The following PTTG1IP variants were observed in gnomAD, a reference collection of about 807,000 sequenced individuals.
PTTG1IP encodes PTTG1 interacting protein.
In PTTG1IP, 16 loss-of-function variants were observed where a neutral mutation model predicts 24.4. The ratio of observed to expected loss-of-function variants is 0.66; its 90% CI spans 0.44 to 1.00. The LOEUF (loss-of-function observed/expected upper bound fraction) is 1.00, where lower values mean the gene tolerates loss of function less well. Ranked by LOEUF, PTTG1IP falls within the 50% of genes least tolerant of loss-of-function variation. PTTG1IP has a pLI of 0.00. For synonymous variants in PTTG1IP, 89 were observed against 96.8 expected (o/e 0.92, Z 0.47); for missense variants, 241 against 245.8 (o/e 0.98, Z 0.13).
intron 2 of PTTG1IP, among the ~76,000 whole-genome samples, chr21:44,863,660 AT>A (rs2083511982): frequency 6.6e-6 from 1 of 152,262 alleles, no homozygotes; most frequent in Admixed American, 6.5e-5. Context: ...ATAGTGAGCT[AT>A]GTTTAAAGCT....
intron 5 of PTTG1IP, among the ~76,000 whole-genome samples, chr21:44,852,382 A>G (rs2083417969): frequency 6.6e-6 from 1 of 152,122 alleles, no homozygotes; most frequent in South Asian, 2.1e-4. Context: ...GGGTTTCACC[A>G]TGTTGGTCAG....
At chr21:44,861,651 C>T in intron 2 of PTTG1IP, 1 of 707,570 alleles carries the variant, frequency 1.4e-6, no homozygotes, top group South Asian at 1.5e-5. Context: ...ATCTGTGTGG[C>T]TCCCCACTGA....
At chr21:44,869,000 G>A (rs2083563971) in intron 1 of PTTG1IP, among the ~76,000 whole-genome samples, 1 of 152,236 alleles carries the variant, frequency 6.6e-6, no homozygotes, top group African/African-American at 2.4e-5. Flanking sequence ...GTGACAGCAT[G>A]TGCCTCCCAC....
At chr21:44,859,311 G>A (rs2083472815) in intron 3 of PTTG1IP, among the ~76,000 whole-genome samples, 1 of 152,236 alleles carries the variant, frequency 6.6e-6, no homozygotes, top group Admixed American at 6.5e-5. Context: ...CCTTCTGAAA[G>A]TCCTGGAAGT....
At chr21:44,857,408 G>A (rs762576021) in intron 3 of PTTG1IP, among the ~76,000 whole-genome samples, 7 of 152,208 alleles carry the variant, frequency 4.6e-5, no homozygotes, top group Non-Finnish European at 2.9e-5. Context: ...GATCGCTTGA[G>A]CTTGGGAGGT....
chr21:44,853,125 G>C (rs17004710), intron 5 of PTTG1IP, among the ~76,000 whole-genome samples: 14,977 of 152,242 alleles, frequency 0.098, 1,193 homozygotes, highest in East Asian at 0.36. Flanking sequence ...CTTAAACACA[G>C]CTTGTGCTTG....
Position 44,856,286 on chromosome 21 carries a change from C to T in PTTG1IP, c.356G>A (p.Cys119Tyr). 1.9e-6 allele frequency: 3 copies of T among 1,614,212 alleles called. No individual in the cohort carries two copies. Among genetic ancestry groups the T allele is most frequent in the Non-Finnish European group, 2.5e-6 (3 of 1,180,024 alleles). Residue 119 changes from cysteine (C) to tyrosine (Y), a missense_variant, in exon 4 of 6, where the codon TGC (cysteine) becomes TAC (tyrosine). Transcript: ENST00000330938. ...LLLGIAICCC[C>Y]CCRRKRSRKP... ...CCGGCTCCTCTTCCTCCTGCAGCAG[C>T]AGCAGCAGCAGATGGCAATGCCCAG...
chr21:44,870,177 A>C (rs2083572892), intron 1 of PTTG1IP, among the ~76,000 whole-genome samples: 1 of 152,228 alleles, frequency 6.6e-6, no homozygotes, highest in South Asian at 2.1e-4. Context: ...TACAGTCCTC[A>C]TGAAAATAAC....
chr21:44,858,610 C>A (rs114078007), intron 3 of PTTG1IP, among the ~76,000 whole-genome samples: 17 of 152,226 alleles, frequency 1.1e-4, no homozygotes, highest in Admixed American at 5.2e-4. Context: ...CGGGACCCTG[C>A]GTGGCGTGTG....
chr21:44,852,648 C>A (rs1485702390), intron 5 of PTTG1IP, among the ~76,000 whole-genome samples: 1 of 152,114 alleles, frequency 6.6e-6, no homozygotes, highest in Non-Finnish European at 1.5e-5. Context: ...TCAAGGAGGG[C>A]CACAGGCATC....
rs539152239 is a variant in PTTG1IP, at chr21:44,866,374, A to C, written c.116-927T>G. On this transcript the variant is annotated intron_variant, in intron 1 of 5. Coordinates refer to ENST00000330938, the MANE Select transcript of PTTG1IP (RefSeq NM_004339.4). ...CACAGACTGCCTACTCCAATCCCAT[A>C]ACACACACACACACACACACACACA... Among the ~76,000 whole-genome samples, 4 of 44,758 alleles carry C rather than the reference A, an allele frequency of 8.9e-5. No homozygotes were observed. The East Asian group carries it at 3.4e-3, about 38-fold the overall frequency. 29.4% of individuals were successfully genotyped at this position (44,758 alleles called of 152,430 possible).
Position 44,865,339 on chromosome 21 carries a change from G to A in PTTG1IP, c.168+56C>T, listed in dbSNP as rs1054336260. On this transcript the variant is annotated intron_variant, in intron 2 of 5. Coordinates refer to ENST00000330938, the MANE Select transcript of PTTG1IP (RefSeq NM_004339.4). ...GAATCCCTGGACCTAGAGAAAGCCC[G>A]TGTGCCTTTGGACGGTCTGGACGGC... 3.5e-5 allele frequency: 54 copies of A among 1,552,914 alleles called. No homozygotes were observed. The Admixed American group carries it at 7.7e-4, about 22-fold the overall frequency.
rs1370139794 is a variant in PTTG1IP at position 44,873,487 on chromosome 21, C to T, written c.115+15G>A. On this transcript the variant is annotated intron_variant, in intron 1 of 5. Coordinates refer to ENST00000330938, the MANE Select transcript of PTTG1IP (RefSeq NM_004339.4). ...CCCGCCCCCTTCGCGGCCCCGCCCGCCCCGGCGCCCTCACCAGCTCCGGGA... is the reference window on the plus strand; with the variant it reads ...CCCGCCCCCTTCGCGGCCCCGCCCGTCCCGGCGCCCTCACCAGCTCCGGGA... The T allele has an allele frequency of 7.2e-7, 1 of 1,389,958 alleles. No homozygotes were observed. The allele number at this position is 1,389,958 out of a possible 1,614,324, so 86.1% of individuals were successfully genotyped here.
At chr21:44,866,635 AACACAC>A (rs149247797) in intron 1 of PTTG1IP, among the ~76,000 whole-genome samples, 35 of 109,996 alleles carry the variant, frequency 3.2e-4, no homozygotes, top group South Asian at 6.6e-4. Flanking sequence ...CCAATCCCGT[AACACAC>A]ACACACACAC....
intron 2 of PTTG1IP, among the ~76,000 whole-genome samples, chr21:44,864,850 T>G (rs978093276): frequency 6.6e-6 from 1 of 152,190 alleles, no homozygotes; most frequent in Non-Finnish European, 1.5e-5. Flanking sequence ...TTAGGGAACT[T>G]TGCTCCAGAC....
At chr21:44,855,352 G>T in intron 4 of PTTG1IP, 96 bp from the exon 5 acceptor site, 1 of 1,324,946 alleles carries the variant, frequency 7.5e-7, no homozygotes, top group South Asian at 1.2e-5. Flanking sequence ...GGGGCGCCAG[G>T]TTTCTTCTGG....
chr21:44,856,052 A>T lies in PTTG1IP; in HGVS notation c.449+141T>A, dbSNP rs2083447341. On this transcript the variant is annotated intron_variant, in intron 4 of 5. Transcript: ENST00000330938. ...AGTCTCTCGCTCTCTACCACGACCT[A>T]GAAGATCCCCTGGGCACTATACACA... 12 of 1,530,322 alleles carry T rather than the reference A, an allele frequency of 7.8e-6. 1 individual carries two copies. 94.8% of individuals were successfully genotyped at this position (1,530,322 alleles called of 1,614,324 possible).
At chr21:44,858,969 G>C (rs1443091832) in intron 3 of PTTG1IP, among the ~76,000 whole-genome samples, 1 of 152,188 alleles carries the variant, frequency 6.6e-6, no homozygotes, top group Non-Finnish European at 1.5e-5. Flanking sequence ...GACGTACTAA[G>C]GCTAAACACA....
At chr21:44,854,625 G>A (rs573560565) in intron 5 of PTTG1IP, among the ~76,000 whole-genome samples, 1 of 152,202 alleles carries the variant, frequency 6.6e-6, no homozygotes, top group African/African-American at 2.4e-5. Context: ...TATAGATAAC[G>A]TAATGTGTAT....
Sources: gnomAD v4.1 joint callset for allele counts (sites outside exome capture counted in the v4.1 genomes callset) on GRCh38, gnomAD v4.1.1 for gene constraint, MANE v1.5 for transcripts, NCBI Gene and HGNC (gene_info 2026-07-23, HGNC 2026-07-21) for gene names.